Variants in SLC7A8 observed in about 807,000 individuals in gnomAD.
SLC7A8 encodes the protein large neutral amino acids transporter small subunit 2.
Under a neutral mutation model 51.2 loss-of-function variants are expected in SLC7A8, and 30 were observed. The ratio of observed to expected loss-of-function variants is 0.59; its 90% CI spans 0.44 to 0.80. The LOEUF (loss-of-function observed/expected upper bound fraction) is 0.80, where lower values mean the gene tolerates loss of function less well. Ranked by LOEUF, SLC7A8 falls within the 30% of genes least tolerant of loss-of-function variation. The probability of loss-of-function intolerance (pLI) is 0.00; values close to 1 mark genes in which losing one functional copy is unlikely to be tolerated. For synonymous variants in SLC7A8, 257 were observed against 275.8 expected (o/e 0.93, Z 0.67); for missense variants, 612 against 674.4 (o/e 0.91, Z 1.03).
Position 23,128,031 on chromosome 14 carries a change from T to G in SLC7A8, c.1429A>C (p.Ser477Arg), listed in dbSNP as rs780917453. ...TCCAACAACTCACCAATGAAGTCAC[T>G]GAAACACTTGGGCTTGTGTTGCCAG... ...VYWQHKPKCF[S>R]DFIELLTLVS... Residue 477 changes from serine to arginine, a missense_variant, in exon 10 of 11, where the codon AGT becomes CGT. Ser to Arg is a moderately radical substitution (Grantham distance 110). Coordinates refer to ENST00000316902, the MANE Select transcript of SLC7A8 (RefSeq NM_012244.4). This position sits in a 1 kb window ranked among gnomAD's most constrained non-coding sequence, Gnocchi z 4.3. The G allele has an allele frequency of 1.9e-6, 3 of 1,613,766 alleles. No individual in the cohort carries two copies. In the African/African-American group the frequency reaches 4.0e-5, roughly 22 times the overall value.
chr14:23,158,014 C>T (rs1003657250), intron 3 of SLC7A8, among the ~76,000 whole-genome samples: 26 of 152,114 alleles, frequency 1.7e-4, no homozygotes, highest in Non-Finnish European at 2.2e-4. Context: ...GTGTATTACC[C>T]GCGGCATCAA....
At chr14:23,129,325 A>G (rs1322297554) in intron 9 of SLC7A8, 1 of 227,854 alleles carries the variant, frequency 4.4e-6, no homozygotes, top group East Asian at 1.1e-4. Context: ...CTGGAGGGAC[A>G]AGGAGGAAGT....
At position 23,143,172 on chromosome 14, in the gene SLC7A8, G is replaced by A. The variant is rs540015976; in HGVS notation, c.541C>T (p.Arg181Trp). 3.6e-5 allele frequency: 58 copies of A among 1,614,174 alleles called. No homozygotes were observed. Among genetic ancestry groups the A allele is most frequent in the South Asian group, 1.1e-4 (10 of 91,092 alleles). Reference protein sequence around the residue: ...LLTWVNCSSVRWATRVQDIFT... With the variant: ...LLTWVNCSSVWWATRVQDIFT... ...ATGTCTTGAACCCGGGTGGCCCACC[G>A]CACACTGGAACAGTTGACCCATGTG... The change falls in exon 4 of 11, where the codon CGG becomes TGG. Residue 181 changes from arginine to tryptophan, a missense_variant. Transcript: ENST00000316902.
intron 7 of SLC7A8, among the ~76,000 whole-genome samples, chr14:23,137,393 G>A (rs1235963813): frequency 6.6e-6 from 1 of 152,158 alleles, no homozygotes. Context: ...TCTCTGTTGA[G>A]CAGGGAGGAG....
In SLC7A8 at chr14:23,127,299, G is replaced by A; in HGVS notation, c.1486C>T (p.Pro496Ser). 6.2e-7 allele frequency: 1 copy of A among 1,614,054 alleles called. No individual in the cohort carries two copies. Among genetic ancestry groups the A allele is most frequent in the Non-Finnish European group, 8.5e-7 (1 of 1,179,962 alleles). The change falls in exon 11 of 11, where the codon CCC becomes TCC. Residue 496 changes from proline to serine, a missense_variant. Physicochemically the swap from Pro to Ser is moderately conservative, Grantham distance 74. Transcript: ENST00000316902. Reference protein sequence around the residue: ...VSQKMCVVVYPEVERGSGTEE... With the variant: ...VSQKMCVVVYSEVERGSGTEE... ...GTCCCTGAGCCCCGCTCCACCTCGG[G>A]GTACACGACCACACACATCTTCTGG...
rs1455641505 is a variant in SLC7A8, at chr14:23,165,450, G to A, written c.357-14C>T. 1 of 1,580,544 alleles carries A rather than the reference G, an allele frequency of 6.3e-7. No individual in the cohort carries two copies. Among genetic ancestry groups the A allele is most frequent in the African/African-American group, 1.4e-5 (1 of 72,554 alleles). The stretch of plus-strand genomic sequence containing the variant: ...AGCCTCAGGAACCTGAAGGAGGAAA[G>A]GGACATCCGCCGAAAGGCATGGCAG... On this transcript the variant is annotated splice_polypyrimidine_tract_variant and intron_variant, in intron 2 of 10. Coordinates refer to ENST00000316902, the MANE Select transcript of SLC7A8 (RefSeq NM_012244.4). The surrounding 1 kb of genome is among the most constrained non-coding windows in gnomAD (Gnocchi z 4.2).
intron 3 of SLC7A8, among the ~76,000 whole-genome samples, chr14:23,157,640 T>C (rs2048901086): frequency 6.6e-6 from 1 of 152,194 alleles, no homozygotes; most frequent in Non-Finnish European, 1.5e-5. Context: ...TTTCCTGTCC[T>C]CAGACCTTGA....
chr14:23,136,274 T>C (rs1372920712), intron 7 of SLC7A8, among the ~76,000 whole-genome samples: 2 of 152,214 alleles, frequency 1.3e-5, no homozygotes, highest in Non-Finnish European at 2.9e-5. Context: ...TCTCCCATGC[T>C]ACTGCCCCTC....
intron 1 of SLC7A8, among the ~76,000 whole-genome samples, chr14:23,168,558 T>C (rs1238250010): frequency 6.6e-6 from 1 of 152,136 alleles, no homozygotes; most frequent in Non-Finnish European, 1.5e-5. Flanking sequence ...TAAAACCAGC[T>C]CAAGGAGTTA....
chr14:23,139,878 G>A (rs1338426292), intron 5 of SLC7A8, among the ~76,000 whole-genome samples: 1 of 152,086 alleles, frequency 6.6e-6, no homozygotes, highest in Non-Finnish European at 1.5e-5. Context: ...ATGGTGGCAT[G>A]TGCCTGTAGT....
chr14:23,138,033 G>A lies in SLC7A8; in HGVS notation c.913-9C>T, dbSNP rs557875104. On this transcript the variant is annotated splice_polypyrimidine_tract_variant and intron_variant, in intron 6 of 10. Coordinates refer to ENST00000316902, the MANE Select transcript of SLC7A8 (RefSeq NM_012244.4). ...AGCTTCTCTCCAAAAGTCTGGGAGA[G>A]GAACCAAGGAGATAAGCAAAGGAGA... is the stretch of plus-strand genomic sequence containing the variant. 60 of 1,613,732 alleles carry A rather than the reference G, an allele frequency of 3.7e-5. No individual in the cohort carries two copies. In the Middle Eastern group the frequency reaches 4.9e-4, roughly 13 times the overall value.
Position 23,165,251 on chromosome 14 carries a change from G to T in SLC7A8, c.508+34C>A, listed in dbSNP as rs373939566. 2 of 1,569,248 alleles carry T rather than the reference G, an allele frequency of 1.3e-6. No individual in the cohort carries two copies. The highest frequency in any genetic ancestry group is 1.7e-6 in the Non-Finnish European group (2 of 1,160,266). ...AATAATAATAAATATAATAAAAGAG[G>T]CTGTCTTGCTACCAAGACCCAGATG... On this transcript the variant is annotated intron_variant, in intron 3 of 10. Coordinates refer to ENST00000316902, the MANE Select transcript of SLC7A8 (RefSeq NM_012244.4). This position sits in a 1 kb window ranked among gnomAD's most constrained non-coding sequence, Gnocchi z 4.2.
chr14:23,176,380 G>A (rs1876908975), intron 1 of SLC7A8, among the ~76,000 whole-genome samples: 1 of 152,078 alleles, frequency 6.6e-6, no homozygotes, highest in Non-Finnish European at 1.5e-5. Context: ...CCAGTCTCAG[G>A]GTTGTCTTCC....
At chr14:23,131,250 G>C (rs2048629555) in intron 8 of SLC7A8, among the ~76,000 whole-genome samples, 3 of 152,154 alleles carry the variant, frequency 2.0e-5, no homozygotes, top group Admixed American at 2.0e-4. Flanking sequence ...GAGAGCCTTA[G>C]GTATTTCAAG....
chr14:23,138,812 G>T (rs1406374608), intron 6 of SLC7A8, among the ~76,000 whole-genome samples: 1 of 152,224 alleles, frequency 6.6e-6, no homozygotes, highest in Non-Finnish European at 1.5e-5. Context: ...TGCCCCAGGA[G>T]ATGGGAGGAC....
At chr14:23,127,650 T>A (rs2236134) in intron 10 of SLC7A8, among the ~76,000 whole-genome samples, 18,317 of 152,232 alleles carry the variant, frequency 0.12, 1,258 homozygotes, top group East Asian at 0.36. Flanking sequence ...TATTTTATTT[T>A]AAAATTTTTA....
At chr14:23,173,625 A>G (rs1439021117) in intron 1 of SLC7A8, among the ~76,000 whole-genome samples, 1 of 152,134 alleles carries the variant, frequency 6.6e-6, no homozygotes, top group Non-Finnish European at 1.5e-5. Context: ...AAAGGAGTGC[A>G]AGGGCTTTGT....
chr14:23,131,817 G>A (rs2048637158), intron 7 of SLC7A8, among the ~76,000 whole-genome samples: 1 of 152,202 alleles, frequency 6.6e-6, no homozygotes, highest in Non-Finnish European at 1.5e-5. Flanking sequence ...GTGGCTCAGG[G>A]TTACTGATAA....
At chr14:23,178,593 A>G (rs1028285055) in intron 1 of SLC7A8, among the ~76,000 whole-genome samples, 1 of 151,868 alleles carries the variant, frequency 6.6e-6, no homozygotes, top group Non-Finnish European at 1.5e-5. Flanking sequence ...ATTCAGAAAC[A>G]TATAAGACAC....
Sources: gnomAD v4.1 joint callset for allele counts (sites outside exome capture counted in the v4.1 genomes callset) on GRCh38, gnomAD v4.1.1 for gene constraint, Gnocchi (gnomAD v3.1) non-coding constraint, MANE v1.5 for transcripts, NCBI Gene and HGNC (gene_info 2026-07-23, HGNC 2026-07-21) for gene names.